The following OSBPL1A variants were observed in gnomAD, a reference collection of about 807,000 sequenced individuals.
The protein encoded by OSBPL1A is oxysterol-binding protein-related protein 1.
In OSBPL1A, 80 loss-of-function variants were observed where a neutral mutation model predicts 137.1. The ratio of observed to expected loss-of-function variants is 0.58; its 90% CI spans 0.49 to 0.70. The LOEUF is 0.70. Among genes scored for constraint, OSBPL1A ranks in the 30% least tolerant of loss-of-function variants. The probability of loss-of-function intolerance (pLI) is 0.00; values close to 1 mark genes in which losing one functional copy is unlikely to be tolerated. For missense variants in OSBPL1A, 970 were observed against 1,129.4 expected, an observed-to-expected ratio of 0.86 and a Z score of 2.02; for synonymous variants, 365 against 389.7, an observed-to-expected ratio of 0.94 and a Z score of 0.75.
chr18:24,355,308 C>G (rs1045291353), intron 4 of OSBPL1A, among the ~76,000 whole-genome samples: 1 of 151,094 alleles, frequency 6.6e-6, no homozygotes, highest in East Asian at 2.0e-4. Context: ...TCTAGACCAC[C>G]GTGACCAACA....
chr18:24,248,899 T>C (rs1411208264), intron 15 of OSBPL1A, among the ~76,000 whole-genome samples: 1 of 152,248 alleles, frequency 6.6e-6, no homozygotes, highest in East Asian at 1.9e-4. Flanking sequence ...ACTAGCACTA[T>C]ACACAAATGA....
intron 1 of OSBPL1A, among the ~76,000 whole-genome samples, chr18:24,382,263 C>T (rs1023302431): frequency 6.7e-6 from 1 of 148,950 alleles, no homozygotes; most frequent in Non-Finnish European, 1.5e-5. Flanking sequence ...AAAATTTAGC[C>T]AGGCGTGGTG....
intron 14 of OSBPL1A, among the ~76,000 whole-genome samples, chr18:24,298,078 C>A (rs2090325273): frequency 6.6e-6 from 1 of 152,146 alleles, no homozygotes; most frequent in Admixed American, 6.5e-5. Context: ...CCAAAACCCA[C>A]CAAAACCAAA....
intron 14 of OSBPL1A, among the ~76,000 whole-genome samples, chr18:24,282,687 G>C (rs1234285496): frequency 6.6e-6 from 1 of 152,178 alleles, no homozygotes; most frequent in Non-Finnish European, 1.5e-5. Flanking sequence ...CTGATATTTT[G>C]TTAATTAGAC....
intron 17 of OSBPL1A, among the ~76,000 whole-genome samples, chr18:24,223,191 A>T (rs2087948146): frequency 6.6e-6 from 1 of 152,120 alleles, no homozygotes; most frequent in African/African-American, 2.4e-5. Flanking sequence ...ATTATTTATT[A>T]TGCAATGTAG....
intron 24 of OSBPL1A, among the ~76,000 whole-genome samples, chr18:24,167,818 C>A (rs866123059): frequency 6.6e-5 from 10 of 152,192 alleles, no homozygotes; most frequent in Admixed American, 2.0e-4. Flanking sequence ...TATACACTTA[C>A]AAATTGTAAA....
At chr18:24,322,639 T>G (rs2090887601) in intron 7 of OSBPL1A, among the ~76,000 whole-genome samples, 1 of 152,194 alleles carries the variant, frequency 6.6e-6, no homozygotes, top group Non-Finnish European at 1.5e-5. Flanking sequence ...TACAGGGCAC[T>G]TTGGAGAAAT....
rs949224019 is a variant in OSBPL1A at position 24,172,903 on chromosome 18, T to A, written c.2094-420A>T. On this transcript the variant is annotated intron_variant, in intron 21 of 27. Coordinates refer to ENST00000319481, the MANE Select transcript of OSBPL1A (RefSeq NM_080597.4). ...TAAACTCTGATTTTATAATCCTATA[T>A]ATCCAGAGGAATAGAAATCATTCTA... 2.6e-5 allele frequency among the ~76,000 whole-genome samples: 4 copies of A among 152,344 alleles called. No homozygotes were observed. The South Asian group carries it at 8.3e-4, about 32-fold the overall frequency.
intron 17 of OSBPL1A, among the ~76,000 whole-genome samples, chr18:24,223,081 G>A (rs919614915): frequency 2.6e-5 from 4 of 151,966 alleles, no homozygotes; most frequent in African/African-American, 9.7e-5. Flanking sequence ...TGATCCCCCA[G>A]GTCATGTAGC....
At chr18:24,394,369 T>C (rs1321836854) in intron 1 of OSBPL1A, among the ~76,000 whole-genome samples, 1 of 152,240 alleles carries the variant, frequency 6.6e-6, no homozygotes, top group Non-Finnish European at 1.5e-5. Flanking sequence ...TTCATAGCTT[T>C]GCTTAATGAA....
intron 7 of OSBPL1A, among the ~76,000 whole-genome samples, chr18:24,324,779 GTC>G (rs1491115701): frequency 5.7e-5 from 7 of 123,360 alleles, no homozygotes; most frequent in Middle Eastern, 5.3e-3. Context: ...GCGAGACTCT[GTC>G]TATTAAAAAA....
chr18:24,279,446 T>A (rs756107632), intron 15 of OSBPL1A, among the ~76,000 whole-genome samples: 8 of 151,736 alleles, frequency 5.3e-5, no homozygotes, highest in Non-Finnish European at 1.0e-4. Flanking sequence ...AAATTGTATA[T>A]GAATTCATAA....
At chr18:24,213,016 TTC>T (rs2087589720) in intron 17 of OSBPL1A, among the ~76,000 whole-genome samples, 1 of 152,184 alleles carries the variant, frequency 6.6e-6, no homozygotes, top group Non-Finnish European at 1.5e-5. Flanking sequence ...CATCACAAAG[TTC>T]TCTCTGTATA....
At chr18:24,183,232 G>C (rs1346332464) in intron 18 of OSBPL1A, among the ~76,000 whole-genome samples, 2 of 151,592 alleles carry the variant, frequency 1.3e-5, no homozygotes, top group African/African-American at 2.4e-5. Context: ...AAACTAACTG[G>C]GAAATACATA....
At chr18:24,348,201 TAAAAG>T (rs2091379846) in intron 4 of OSBPL1A, among the ~76,000 whole-genome samples, 1 of 152,154 alleles carries the variant, frequency 6.6e-6, no homozygotes, top group South Asian at 2.1e-4. Flanking sequence ...TATATCCACT[TAAAAG>T]ATAATATATT....
chr18:24,276,029 A>T (rs2089839538), intron 15 of OSBPL1A, among the ~76,000 whole-genome samples: 1 of 151,994 alleles, frequency 6.6e-6, no homozygotes, highest in Non-Finnish European at 1.5e-5. Flanking sequence ...TGCCTGTATG[A>T]CATTCCAGTC....
intron 1 of OSBPL1A, among the ~76,000 whole-genome samples, chr18:24,385,734 A>G (rs1444873814): frequency 6.6e-6 from 1 of 152,240 alleles, no homozygotes; most frequent in Non-Finnish European, 1.5e-5. Context: ...GAATTCAGAC[A>G]GGCAAAAACA....
chr18:24,235,861 C>T (rs981289493), intron 16 of OSBPL1A, among the ~76,000 whole-genome samples: 6 of 152,074 alleles, frequency 3.9e-5, no homozygotes, highest in South Asian at 2.1e-4. Context: ...GATTAAGTTA[C>T]GTATATTGAG....
intron 16 of OSBPL1A, among the ~76,000 whole-genome samples, chr18:24,231,424 C>T (rs1407834960): frequency 3.3e-5 from 5 of 152,074 alleles, no homozygotes; most frequent in South Asian, 2.1e-4. Context: ...TCCCTAGTAG[C>T]TGGGATTACA....
Sources: allele counts gnomAD v4.1 joint callset (sites outside exome capture counted in the v4.1 genomes callset), GRCh38; gene constraint gnomAD v4.1.1; transcripts MANE v1.5; gene names NCBI Gene and HGNC (gene_info 2026-07-23, HGNC 2026-07-21).